Variants in CREB3L2 observed in about 807,000 individuals in gnomAD.
The protein encoded by CREB3L2 is cyclic AMP-responsive element-binding protein 3-like protein 2.
CREB3L2 carries 23 observed loss-of-function variants against 57.2 expected under a neutral mutation model. The observed-to-expected ratio is 0.40, with a 90% CI of 0.29 to 0.57. The LOEUF is 0.57. Ranked by LOEUF, CREB3L2 falls within the 20% of genes least tolerant of loss-of-function variation. The pLI is 0.42. For missense variants in CREB3L2, 628 were observed against 634.7 expected (o/e 0.99, Z 0.11); for synonymous variants, 268 against 265.1 (o/e 1.01, Z -0.11).
Position 138,002,075 on chromosome 7 carries a change from C to G in CREB3L2, c.-370G>C, listed in dbSNP as rs141156737. On this transcript the variant is annotated 5_prime_UTR_variant, in exon 1 of 12. Coordinates refer to ENST00000330387, the MANE Select transcript of CREB3L2 (RefSeq NM_194071.4). ...ACACAAACTTTGAGGGACCCCAGGGCTCCTCGGCTCTGCTCCAGGACCCAG... is the reference window on the plus strand; with the variant it reads ...ACACAAACTTTGAGGGACCCCAGGGGTCCTCGGCTCTGCTCCAGGACCCAG... The G allele has an allele frequency of 3.6e-6, 1 of 274,130 alleles. No homozygotes were observed. Among genetic ancestry groups the G allele is most frequent in the Non-Finnish European group, 7.0e-6 (1 of 143,066 alleles). The allele number at this position is 274,130 out of a possible 1,614,324, so 17.0% of individuals were successfully genotyped here.
chr7:137,957,035 T>C (rs1483492215), intron 1 of CREB3L2, among the ~76,000 whole-genome samples: 1 of 149,900 alleles, frequency 6.7e-6, no homozygotes, highest in African/African-American at 2.4e-5. Flanking sequence ...TCATAAAATG[T>C]TTTGTCTTTT....
At chr7:137,901,300 C>A (rs1394777120) in intron 8 of CREB3L2, 54 bp downstream of exon 8, 1 of 1,136,420 alleles carries the variant, frequency 8.8e-7, no homozygotes, top group Non-Finnish European at 1.3e-6. Flanking sequence ...CTATCCTCTT[C>A]CTTCCCCATC....
At chr7:137,922,415 T>TATATATATATATATATATATATATAC (rs1491237233) in intron 2 of CREB3L2, among the ~76,000 whole-genome samples, 7 of 23,146 alleles carry the variant, frequency 3.0e-4, no homozygotes, top group Admixed American at 2.1e-3. Context: ...TATATATATA[T>TATATATATATATATATATATATATAC]GTATATATAT....
intron 1 of CREB3L2, among the ~76,000 whole-genome samples, chr7:137,949,186 A>G (rs933960224): frequency 2.0e-5 from 3 of 152,248 alleles, no homozygotes. Flanking sequence ...GGAAATAGCC[A>G]CTTGGACCTG....
At chr7:137,982,525 A>G (rs1350016761) in intron 1 of CREB3L2, among the ~76,000 whole-genome samples, 2 of 152,074 alleles carry the variant, frequency 1.3e-5, no homozygotes, top group Non-Finnish European at 2.9e-5. Flanking sequence ...TCTTTCCTGT[A>G]TCGTTCTCGT....
chr7:137,908,156 A>C (rs2117208690), intron 5 of CREB3L2, 96 bp downstream of exon 5: 1 of 919,858 alleles, frequency 1.1e-6, no homozygotes, highest in African/African-American at 1.7e-5. Flanking sequence ...AAAAGTAAAA[A>C]CCAAACAGCC....
chr7:137,940,212 C>T (rs1800858466), intron 1 of CREB3L2, among the ~76,000 whole-genome samples: 1 of 152,090 alleles, frequency 6.6e-6, no homozygotes, highest in East Asian at 1.9e-4. Context: ...AGAAGGCATC[C>T]CCATTCCCTC....
intron 1 of CREB3L2, among the ~76,000 whole-genome samples, chr7:137,985,680 G>A (rs1201820347): frequency 1.3e-5 from 2 of 152,152 alleles, no homozygotes; most frequent in Non-Finnish European, 2.9e-5. Flanking sequence ...GGAACAAGCC[G>A]TCCCCTTCTT....
intron 2 of CREB3L2, among the ~76,000 whole-genome samples, chr7:137,920,537 G>C (rs1800250587): frequency 6.6e-6 from 1 of 152,204 alleles, no homozygotes; most frequent in Non-Finnish European, 1.5e-5. Context: ...ACTGAGTTTG[G>C]GGGTGGTTTG....
chr7:137,983,712 G>A (rs368530172), intron 1 of CREB3L2, among the ~76,000 whole-genome samples: 5 of 152,232 alleles, frequency 3.3e-5, no homozygotes, highest in South Asian at 4.1e-4. Context: ...TTCATTGTTC[G>A]CATACCTCTC....
chr7:137,940,367 A>G (rs1215377517), intron 1 of CREB3L2, among the ~76,000 whole-genome samples: 2 of 152,174 alleles, frequency 1.3e-5, no homozygotes, highest in Non-Finnish European at 1.5e-5. Flanking sequence ...AAAGAATACA[A>G]TCTGGTACTC....
intron 8 of CREB3L2, among the ~76,000 whole-genome samples, chr7:137,891,574 T>C (rs890510937): frequency 2.0e-5 from 3 of 151,698 alleles, no homozygotes; most frequent in Non-Finnish European, 2.9e-5. Context: ...TCTGTAGACA[T>C]ACTTTCTTTT....
chr7:137,918,110 T>A (rs1351629774), intron 2 of CREB3L2, among the ~76,000 whole-genome samples: 2 of 152,234 alleles, frequency 1.3e-5, no homozygotes, highest in African/African-American at 4.8e-5. Context: ...GAACACCCGC[T>A]TAGGACAGTT....
At chr7:137,992,557 C>A (rs1369976511) in intron 1 of CREB3L2, among the ~76,000 whole-genome samples, 1 of 152,172 alleles carries the variant, frequency 6.6e-6, no homozygotes. Flanking sequence ...ACCTAGCAGG[C>A]TTGAGTCAAA....
In CREB3L2 at chr7:137,884,785, G is replaced by C. The variant is rs1035844317; in HGVS notation, c.1270+210C>G. The C allele has an allele frequency of 9.1e-6, 6 of 658,748 alleles. No homozygotes were observed. The African/African-American group carries it at 1.1e-4, about 12-fold the overall frequency. The allele number at this position is 658,748 out of a possible 1,614,324, so 40.8% of individuals were successfully genotyped here. A position where few individuals can be genotyped will look rare whatever the true frequency, so the allele number is the denominator to read the frequency against. On this transcript the variant is annotated intron_variant, in intron 10 of 11. Transcript: ENST00000330387. ...AACAGCAGTTTGCAAACTGTGCTCT[G>C]TCAAGCTCTGGAGAATTCCCAGTGA...
At chr7:137,965,040 T>C (rs1801387273) in intron 1 of CREB3L2, among the ~76,000 whole-genome samples, 2 of 152,286 alleles carry the variant, frequency 1.3e-5, no homozygotes, top group Non-Finnish European at 2.9e-5. Context: ...TATGTCTTTA[T>C]CAGCAGCGTA....
rs78715184 is a variant in CREB3L2 at position 137,950,685 on chromosome 7, A to G, written c.103-22319T>C. On this transcript the variant is annotated intron_variant, in intron 1 of 11. Coordinates refer to ENST00000330387, the MANE Select transcript of CREB3L2 (RefSeq NM_194071.4). ...TTTAGTTTCAGAGTAAAACAAACAA[A>G]CAAACAAAAGGACATATCAGAAACT... Among the ~76,000 whole-genome samples the G allele has an allele frequency of 7.0e-3, 1,062 of 151,866 alleles. 10 individuals carry two copies. The highest frequency in any genetic ancestry group is 0.025 in the African/African-American group (1,022 of 41,146).
At chr7:137,983,737 C>T (rs1801748937) in intron 1 of CREB3L2, among the ~76,000 whole-genome samples, 1 of 152,212 alleles carries the variant, frequency 6.6e-6, no homozygotes, top group East Asian at 1.9e-4. Context: ...TTACCTCTCC[C>T]CTGTGGTTGT....
chr7:137,919,865 C>G (rs896018120), intron 2 of CREB3L2, among the ~76,000 whole-genome samples: 1 of 152,018 alleles, frequency 6.6e-6, no homozygotes. Flanking sequence ...AAGAAATATG[C>G]CAAATAGTAA....
Sources: allele counts gnomAD v4.1 joint callset (sites outside exome capture counted in the v4.1 genomes callset), GRCh38; gene constraint gnomAD v4.1.1; transcripts MANE v1.5; gene names NCBI Gene and HGNC (gene_info 2026-07-23, HGNC 2026-07-21).